PDE10A: variants seen among roughly 807,000 people sequenced by gnomAD.
The protein encoded by PDE10A is phosphodiesterase 10A, also known as cAMP and cAMP-inhibited cGMP 3',5'-cyclic phosphodiesterase 10A.
PDE10A carries 39 observed loss-of-function variants against 97.7 expected under a neutral mutation model. That is an observed-to-expected ratio of 0.40 (90% CI 0.31 to 0.52). PDE10A has a LOEUF of 0.52. Among genes scored for constraint, PDE10A ranks in the 20% least tolerant of loss-of-function variants. The probability of loss-of-function intolerance (pLI) is 0.56; values close to 1 mark genes in which losing one functional copy is unlikely to be tolerated. For synonymous variants in PDE10A, 371 were observed against 376.8 expected, an observed-to-expected ratio of 0.98 and a Z score of 0.18; for missense variants, 731 against 1,047.8, an observed-to-expected ratio of 0.70 and a Z score of 4.17.
chr6:165,802,182 C>A (rs1779003547), intron 1 of PDE10A, among the ~76,000 whole-genome samples: 1 of 152,172 alleles, frequency 6.6e-6, no homozygotes, highest in Non-Finnish European at 1.5e-5. Flanking sequence ...AGCCATCCAG[C>A]CAGTTCCCTG....
intron 12 of PDE10A, among the ~76,000 whole-genome samples, chr6:165,415,432 T>C (rs868192159): frequency 6.6e-5 from 10 of 152,216 alleles, no homozygotes; most frequent in Non-Finnish European, 1.5e-4. Context: ...TATTATTCTC[T>C]AACAGTCACA....
intron 1 of PDE10A, among the ~76,000 whole-genome samples, chr6:165,839,039 A>G (rs1780142163): frequency 6.6e-6 from 1 of 152,238 alleles, no homozygotes. Context: ...TTTCTGGGTT[A>G]GTAATCCTTT....
chr6:165,350,629 G>C (rs1163721179), intron 18 of PDE10A, among the ~76,000 whole-genome samples: 2 of 152,168 alleles, frequency 1.3e-5, no homozygotes, highest in African/African-American at 4.8e-5. Context: ...GAATGATATG[G>C]TTTGGCTGTG....
chr6:165,423,276 TAAGTAGTTG>T (rs1317424798), intron 10 of PDE10A, among the ~76,000 whole-genome samples: 1 of 152,216 alleles, frequency 6.6e-6, no homozygotes, highest in East Asian at 1.9e-4. Flanking sequence ...TAATTTGAGT[TAAGTAGTTG>T]ATGTTTTCAG....
intron 1 of PDE10A, among the ~76,000 whole-genome samples, chr6:165,809,032 C>T (rs1041676002): frequency 6.6e-6 from 1 of 152,170 alleles, no homozygotes; most frequent in Non-Finnish European, 1.5e-5. Context: ...TATAGATGGT[C>T]CTGAGTTTGA....
At chr6:165,742,133 A>G (rs1419520789) in intron 1 of PDE10A, among the ~76,000 whole-genome samples, 1 of 152,086 alleles carries the variant, frequency 6.6e-6, no homozygotes, top group African/African-American at 2.4e-5. Flanking sequence ...CATTTATTTC[A>G]GTTTTAGGGA....
At chr6:165,584,374 C>G (rs550008386) in intron 1 of PDE10A, among the ~76,000 whole-genome samples, 3 of 152,222 alleles carry the variant, frequency 2.0e-5, no homozygotes. Context: ...ACTTTTCTTC[C>G]CTTTGATTTG....
chr6:165,520,929 T>C (rs1344597012), intron 2 of PDE10A, among the ~76,000 whole-genome samples: 3 of 152,120 alleles, frequency 2.0e-5, no homozygotes, highest in Non-Finnish European at 2.9e-5. Context: ...AGGACAGGCA[T>C]ACTGCATTTC....
chr6:165,344,001 A>G (rs554970332), intron 18 of PDE10A, among the ~76,000 whole-genome samples: 562 of 152,344 alleles, frequency 3.7e-3, no homozygotes, highest in Non-Finnish European at 6.2e-3. Flanking sequence ...TAGCTGTGCA[A>G]CCTGGTTCCT....
chr6:165,656,256 T>TCTCA (rs1554301092), intron 1 of PDE10A, among the ~76,000 whole-genome samples: 1 of 106,700 alleles, frequency 9.4e-6, no homozygotes, highest in Admixed American at 1.1e-4. Flanking sequence ...TCTCTCTCTC[T>TCTCA]CTCACACACA....
intron 1 of PDE10A, among the ~76,000 whole-genome samples, chr6:165,982,292 G>A (rs1237443625): frequency 6.6e-6 from 1 of 152,166 alleles, no homozygotes; most frequent in Non-Finnish European, 1.5e-5. Context: ...GCACTACCAA[G>A]GCAAGAACCC....
intron 3 of PDE10A, among the ~76,000 whole-genome samples, chr6:165,472,160 GT>G (rs2128272819): frequency 1.3e-5 from 2 of 151,926 alleles, no homozygotes; most frequent in Non-Finnish European, 2.9e-5. Flanking sequence ...AATTTTTTCA[GT>G]TTTTTCACTA....
intron 1 of PDE10A, among the ~76,000 whole-genome samples, chr6:165,558,303 A>AT: frequency 6.6e-6 from 1 of 152,332 alleles, no homozygotes; most frequent in South Asian, 2.1e-4. Flanking sequence ...TGTCCTTTGT[A>AT]GGGACACGGA....
At chr6:165,720,163 C>T (rs969889914) in intron 1 of PDE10A, among the ~76,000 whole-genome samples, 10 of 152,058 alleles carry the variant, frequency 6.6e-5, no homozygotes, top group Non-Finnish European at 1.5e-4. Flanking sequence ...AGTGGCTGTT[C>T]CGTGTGGAAA....
intron 1 of PDE10A, among the ~76,000 whole-genome samples, chr6:165,604,342 G>A (rs1349846393): frequency 2.0e-5 from 3 of 152,030 alleles, no homozygotes; most frequent in South Asian, 4.2e-4. Flanking sequence ...CGATAGTTTC[G>A]AGTACCATTC....
intron 1 of PDE10A, among the ~76,000 whole-genome samples, chr6:165,983,996 C>T (rs530648530): frequency 6.6e-6 from 1 of 152,384 alleles, no homozygotes; most frequent in Non-Finnish European, 1.5e-5. Context: ...CCACTGCAGG[C>T]ATGGGCCATG....
intron 1 of PDE10A, among the ~76,000 whole-genome samples, chr6:165,831,185 C>T (rs1779901372): frequency 6.6e-6 from 1 of 151,336 alleles, no homozygotes. Flanking sequence ...GAGATCGAGA[C>T]CATGGTGAAA....
chr6:165,764,971 T>C (rs985666169), intron 1 of PDE10A, among the ~76,000 whole-genome samples: 1 of 152,044 alleles, frequency 6.6e-6, no homozygotes, highest in Admixed American at 6.5e-5. Flanking sequence ...GACACAAAGG[T>C]TCTCCACATC....
intron 1 of PDE10A, among the ~76,000 whole-genome samples, chr6:165,884,754 T>C (rs1209290692): frequency 6.6e-6 from 1 of 152,188 alleles, no homozygotes; most frequent in African/African-American, 2.4e-5. Flanking sequence ...GTAATTGATC[T>C]CCTTTTGATA....
Sources: gnomAD v4.1 joint callset for allele counts (sites outside exome capture counted in the v4.1 genomes callset) on GRCh38, gnomAD v4.1.1 for gene constraint, MANE v1.5 for transcripts, NCBI Gene and HGNC (gene_info 2026-07-23, HGNC 2026-07-21) for gene names.